The following RC3H1 variants were observed in gnomAD, a reference collection of about 807,000 sequenced individuals.
The protein encoded by RC3H1 is ring finger and CCCH-type domains 1, also known as roquin-1.
RC3H1 carries 50 observed loss-of-function variants against 138.2 expected under a neutral mutation model. The observed-to-expected ratio is 0.36, with a 90% CI of 0.29 to 0.46. RC3H1 has a LOEUF of 0.46. Among genes scored for constraint, RC3H1 ranks in the 20% least tolerant of loss-of-function variants. RC3H1 has a pLI of 1.00. For missense variants in RC3H1, 1,031 were observed against 1,388.1 expected (o/e 0.74, Z 4.09); for synonymous variants, 462 against 489.1 (o/e 0.94, Z 0.73).
In RC3H1 at chr1:173,951,999, C is replaced by A. The variant is rs1659421105; in HGVS notation, c.2510G>T (p.Ser837Ile). 1 of 1,606,736 alleles carries A rather than the reference C, an allele frequency of 6.2e-7. No individual in the cohort carries two copies. Among genetic ancestry groups the A allele is most frequent in the Admixed American group, 1.7e-5 (1 of 58,846 alleles). ...AKPKDVVAAG[S>I]VEMMNVESKG... ...TATTACACATACCATCATTTCCACA[C>A]TCCCTGCTGCCACAACATCTTTGGG... Residue 837 changes from serine (S) to isoleucine (I), a missense_variant, in exon 14 of 20, where the codon AGT becomes ATT. By Grantham distance (142) the Ser-to-Ile change is moderately radical. Coordinates refer to ENST00000367696, the MANE Select transcript of RC3H1 (RefSeq NM_172071.4).
Position 173,960,905 on chromosome 1 carries a change from T to A in RC3H1, c.2370+172A>T, listed in dbSNP as rs528172040. On this transcript the variant is annotated intron_variant, in intron 13 of 19. Transcript: ENST00000367696. Reference sequence around the variant, plus strand: ...AGATCTTGACTCCTAATGCATTACATTACATACATACAAAAATCAGTTCTA... The same window carrying A: ...AGATCTTGACTCCTAATGCATTACAATACATACATACAAAAATCAGTTCTA... 8.1e-5 allele frequency: 50 copies of A among 619,652 alleles called. 1 individual carries two copies. The South Asian group carries it at 1.0e-3, about 13-fold the overall frequency. The allele number at this position is 619,652 out of a possible 1,614,324, so 38.4% of individuals were successfully genotyped here.
chr1:174,013,010 TC>T (rs1661795711), intron 1 of RC3H1, among the ~76,000 whole-genome samples: 1 of 150,562 alleles, frequency 6.6e-6, no homozygotes, highest in Non-Finnish European at 1.5e-5. Context: ...AAAAGAAGGA[TC>T]AAAAACAAAA....
intron 2 of RC3H1, among the ~76,000 whole-genome samples, chr1:173,987,950 T>C (rs1571226352): frequency 6.6e-6 from 1 of 152,338 alleles, no homozygotes; most frequent in Non-Finnish European, 1.5e-5. Context: ...AATTCTAATA[T>C]GTATTATACA....
Position 173,933,688 on chromosome 1 carries a change from C to T in RC3H1, c.*5033G>A, listed in dbSNP as rs1471209067. The T allele has an allele frequency of 6.6e-6, 1 of 152,002 alleles. No individual in the cohort carries two copies. Among genetic ancestry groups the T allele is most frequent in the East Asian group, 1.9e-4 (1 of 5,194 alleles). 9.4% of individuals were successfully genotyped at this position (152,002 alleles called of 1,614,324 possible). A position where few individuals can be genotyped will look rare whatever the true frequency, so the allele number is the denominator to read the frequency against. On this transcript the variant is annotated 3_prime_UTR_variant, in exon 20 of 20. Coordinates refer to ENST00000367696, the MANE Select transcript of RC3H1 (RefSeq NM_172071.4). ...AAAATTTCATAAACCTGAGCTGAAGCAACAAATAAATATAAAAATCATAGC... is the reference window on the plus strand; with the variant it reads ...AAAATTTCATAAACCTGAGCTGAAGTAACAAATAAATATAAAAATCATAGC...
Position 173,984,946 on chromosome 1 carries a change from C to G in RC3H1, c.232-327G>C, listed in dbSNP as rs115975586. Among the ~76,000 whole-genome samples the G allele has an allele frequency of 3.8e-3, 574 of 152,274 alleles. 4 individuals are homozygous for G. The highest frequency in any genetic ancestry group is 0.012 in the African/African-American group (495 of 41,560). On this transcript the variant is annotated intron_variant, in intron 2 of 19. Transcript: ENST00000367696. ...CTTTTCATTACCCCAAAAAGAAACACAGTACCCTTTTAACAATTACCCCTT... is the reference window on the plus strand; with the variant it reads ...CTTTTCATTACCCCAAAAAGAAACAGAGTACCCTTTTAACAATTACCCCTT...
chr1:173,969,029 T>C (rs1463416176), intron 9 of RC3H1, among the ~76,000 whole-genome samples: 1 of 151,794 alleles, frequency 6.6e-6, no homozygotes, highest in Non-Finnish European at 1.5e-5. Context: ...CAGCTAATTT[T>C]TGTGTTTTTA....
intron 13 of RC3H1, among the ~76,000 whole-genome samples, chr1:173,955,002 A>G (rs1659570395): frequency 2.0e-5 from 3 of 151,572 alleles, no homozygotes; most frequent in Admixed American, 6.6e-5. Context: ...TGAGGCGGGC[A>G]GATCACGAGG....
chr1:173,999,977 A>T (rs946251532), intron 1 of RC3H1, among the ~76,000 whole-genome samples: 6 of 152,238 alleles, frequency 3.9e-5, no homozygotes, highest in Non-Finnish European at 7.3e-5. Context: ...TTGTGCCACC[A>T]CACGAATAAA....
intron 17 of RC3H1, among the ~76,000 whole-genome samples, chr1:173,945,869 G>T (rs1436851824): frequency 1.3e-5 from 2 of 151,756 alleles, no homozygotes; most frequent in East Asian, 3.9e-4. Flanking sequence ...CACCATGCCC[G>T]GCTAATTTTT....
chr1:174,016,699 A>G (rs544705297), intron 1 of RC3H1, among the ~76,000 whole-genome samples: 101 of 152,102 alleles, frequency 6.6e-4, no homozygotes, highest in Admixed American at 1.7e-3. Context: ...TAAGAACATA[A>G]AGTGACTTTT....
intron 6 of RC3H1, among the ~76,000 whole-genome samples, chr1:173,980,585 T>C (rs932611809): frequency 8.5e-5 from 13 of 152,070 alleles, no homozygotes; most frequent in African/African-American, 2.7e-4. Context: ...TCTGTGATTC[T>C]AGTAAAAATA....
rs548534088 is a variant in RC3H1, at chr1:174,004,127, A to C, written c.-150-10992T>G. Among the ~76,000 whole-genome samples, 3 of 150,006 alleles carry C rather than the reference A, an allele frequency of 2.0e-5. No individual in the cohort carries two copies. In the East Asian group the frequency reaches 5.9e-4, roughly 29 times the overall value. On this transcript the variant is annotated intron_variant, in intron 1 of 19. Coordinates refer to ENST00000367696, the MANE Select transcript of RC3H1 (RefSeq NM_172071.4). ...ATTTTTATTTTTATTATTTTTTGAGACAGGGTCTTGCTCTGTCATCCAGAC... is the reference window on the plus strand; with the variant it reads ...ATTTTTATTTTTATTATTTTTTGAGCCAGGGTCTTGCTCTGTCATCCAGAC...
At chr1:174,019,374 C>G (rs892570929) in intron 1 of RC3H1, among the ~76,000 whole-genome samples, 2 of 152,148 alleles carry the variant, frequency 1.3e-5, no homozygotes, top group Admixed American at 6.6e-5. Flanking sequence ...GTGGTAGTGG[C>G]AAAGAATCTA....
At chr1:173,953,998 C>T (rs1571182279) in intron 13 of RC3H1, among the ~76,000 whole-genome samples, 1 of 152,076 alleles carries the variant, frequency 6.6e-6, no homozygotes, top group Admixed American at 6.5e-5. Context: ...AAGTTCATGC[C>T]ACTGCACTCC....
At chr1:174,005,117 G>T (rs1661631426) in intron 1 of RC3H1, among the ~76,000 whole-genome samples, 1 of 152,192 alleles carries the variant, frequency 6.6e-6, no homozygotes, top group South Asian at 2.1e-4. Flanking sequence ...TGCAACAGAA[G>T]TGATGCTGGG....
intron 17 of RC3H1, among the ~76,000 whole-genome samples, chr1:173,945,839 C>T (rs1391572487): frequency 1.3e-5 from 2 of 151,940 alleles, no homozygotes; most frequent in Non-Finnish European, 2.9e-5. Flanking sequence ...TCCTGATTAG[C>T]TGGGATTACA....
rs1658692017 is a variant in RC3H1 at position 173,938,451 on chromosome 1, A to G, written c.*270T>C. 3.9e-6 allele frequency: 1 copy of G among 253,480 alleles called. No individual in the cohort carries two copies. Among genetic ancestry groups the G allele is most frequent in the Non-Finnish European group, 7.4e-6 (1 of 135,208 alleles). 15.7% of individuals were successfully genotyped at this position (253,480 alleles called of 1,614,324 possible). ...CCAAGGCGTCCAAAGTTATTAAAAT[A>G]AAGTTCATTCACAGAACAAAAACAA... On this transcript the variant is annotated 3_prime_UTR_variant, in exon 20 of 20. Coordinates refer to ENST00000367696, the MANE Select transcript of RC3H1 (RefSeq NM_172071.4).
intron 1 of RC3H1, among the ~76,000 whole-genome samples, chr1:174,010,168 C>T (rs1353074193): frequency 1.3e-5 from 2 of 151,974 alleles, no homozygotes; most frequent in Non-Finnish European, 2.9e-5. Flanking sequence ...CATAAATATA[C>T]ATACCTACTG....
At chr1:173,941,201 A>C in intron 19 of RC3H1, 64 bp downstream of exon 19, 2 of 896,686 alleles carry the variant, frequency 2.2e-6, no homozygotes, top group South Asian at 2.8e-5. Flanking sequence ...ATATGACTGG[A>C]TAATATATTA....
Sources: gnomAD v4.1 joint callset for allele counts (sites outside exome capture counted in the v4.1 genomes callset) on GRCh38, gnomAD v4.1.1 for gene constraint, MANE v1.5 for transcripts, NCBI Gene and HGNC (gene_info 2026-07-23, HGNC 2026-07-21) for gene names.